Variants in TMEM131 observed in about 807,000 individuals in gnomAD.
The protein encoded by TMEM131 is transmembrane protein 131, also known as 2610524E03Rik.
A neutral mutation model predicts 211.6 loss-of-function variants in TMEM131; 66 were observed. The ratio of observed to expected loss-of-function variants is 0.31; its 90% CI spans 0.26 to 0.38. The LOEUF (loss-of-function observed/expected upper bound fraction) is 0.38, where lower values mean the gene tolerates loss of function less well. Among genes scored for constraint, TMEM131 ranks in the 10% least tolerant of loss-of-function variants. The pLI is 1.00. For synonymous variants in TMEM131, 844 were observed against 841.3 expected (o/e 1.00, Z -0.06); for missense variants, 2,036 against 2,299.3 (o/e 0.89, Z 2.34).
At chr2:97,786,028 G>T (rs1010766713) in intron 31 of TMEM131, among the ~76,000 whole-genome samples, 17 of 152,168 alleles carry the variant, frequency 1.1e-4, no homozygotes, top group African/African-American at 3.9e-4. Context: ...GGCTGAAGAA[G>T]GAGGGAAGTG....
At chr2:97,956,984 CT>C (rs1205053231) in intron 1 of TMEM131, among the ~76,000 whole-genome samples, 1 of 151,686 alleles carries the variant, frequency 6.6e-6, no homozygotes, top group Non-Finnish European at 1.5e-5. Context: ...GTAGTCCCAG[CT>C]ATTCAGGAGG....
At chr2:97,980,225 C>G (rs760987820) in intron 1 of TMEM131, among the ~76,000 whole-genome samples, 11 of 152,074 alleles carry the variant, frequency 7.2e-5, no homozygotes, top group Non-Finnish European at 1.5e-4. Context: ...GTGAGACTTA[C>G]CAAAATGTGA....
chr2:97,932,191 A>G (rs142870478), intron 1 of TMEM131, among the ~76,000 whole-genome samples: 117 of 152,252 alleles, frequency 7.7e-4, no homozygotes, highest in Middle Eastern at 3.4e-3. Context: ...AACATTGTTA[A>G]ATACATCAAT....
intron 4 of TMEM131, among the ~76,000 whole-genome samples, chr2:97,886,015 C>T (rs931182696): frequency 6.6e-6 from 1 of 151,942 alleles, no homozygotes; most frequent in African/African-American, 2.4e-5. Flanking sequence ...TCTTCAAGTT[C>T]AGAAATTCTT....
At chr2:97,813,786 A>G (rs748019431) in intron 15 of TMEM131, among the ~76,000 whole-genome samples, 185 bp downstream of exon 15, 4 of 152,238 alleles carry the variant, frequency 2.6e-5, no homozygotes, top group Admixed American at 6.5e-5. Flanking sequence ...ACTGTATCAC[A>G]AGAGAGAGCT....
intron 40 of TMEM131, among the ~76,000 whole-genome samples, chr2:97,758,456 G>T (rs1243885372): frequency 6.6e-6 from 1 of 152,230 alleles, no homozygotes; most frequent in Non-Finnish European, 1.5e-5. Flanking sequence ...TAAGAGACAG[G>T]TGCTTCTCAG....
Position 97,884,280 on chromosome 2 carries a change from A to G in TMEM131, c.359+3772T>C, listed in dbSNP as rs538898843. Among the ~76,000 whole-genome samples, 36 of 152,306 alleles carry G rather than the reference A, an allele frequency of 2.4e-4. 1 individual carries two copies. In the South Asian group the frequency reaches 7.5e-3, roughly 32 times the overall value. On this transcript the variant is annotated intron_variant, in intron 4 of 40. Transcript: ENST00000186436. ...TAGTTTTAAATTCCATTGTGGTCAGATAAGATAGTTGATAAAATTAATTTA... is the reference window on the plus strand; with the variant it reads ...TAGTTTTAAATTCCATTGTGGTCAGGTAAGATAGTTGATAAAATTAATTTA...
chr2:97,916,923 T>C (rs1046604613), intron 2 of TMEM131, among the ~76,000 whole-genome samples: 6 of 152,160 alleles, frequency 3.9e-5, no homozygotes, highest in East Asian at 1.9e-4. Context: ...ATATGACTTA[T>C]ATTTATTATT....
intron 1 of TMEM131, among the ~76,000 whole-genome samples, chr2:97,936,924 A>T (rs1677471689): frequency 6.6e-6 from 1 of 152,212 alleles, no homozygotes. Flanking sequence ...ACTAAAAGTC[A>T]CACCAAATGG....
At chr2:97,883,247 C>T (rs956977013) in intron 4 of TMEM131, among the ~76,000 whole-genome samples, 3 of 152,182 alleles carry the variant, frequency 2.0e-5, no homozygotes, top group Non-Finnish European at 4.4e-5. Flanking sequence ...CAGACTATAG[C>T]GAAGTTTGTT....
At chr2:97,771,187 T>C (rs143329467) in intron 33 of TMEM131, among the ~76,000 whole-genome samples, 1 of 152,312 alleles carries the variant, frequency 6.6e-6, no homozygotes, top group East Asian at 1.9e-4. Flanking sequence ...CCTGGTCACT[T>C]GAACTAACAA....
At chr2:97,757,474 G>A (rs1439834395) in intron 40 of TMEM131, 91 bp from the exon 41 acceptor site, 1 of 1,359,952 alleles carries the variant, frequency 7.4e-7, no homozygotes, top group Non-Finnish European at 1.0e-6. Context: ...GATGAGGCTG[G>A]GGCACGCATT....
intron 1 of TMEM131, among the ~76,000 whole-genome samples, chr2:97,952,197 G>T (rs145132568): frequency 0.011 from 1,673 of 150,870 alleles, 34 homozygotes; most frequent in African/African-American, 0.039. Context: ...AACAGCTGCA[G>T]AAAAAGTAGG....
chr2:97,797,531 TA>T lies in TMEM131; in HGVS notation c.2719-16del, dbSNP rs1272094722. ...AGTGGATGAGCCTTGAATCATTGGG[TA>T]AACAGAGAGGAGTCATGAATATATT... On this transcript the variant is annotated splice_polypyrimidine_tract_variant and intron_variant, in intron 25 of 40. Transcript: ENST00000186436. 1 of 1,600,722 alleles carries T rather than the reference TA, an allele frequency of 6.2e-7. No homozygotes were observed.
In TMEM131 at chr2:97,772,285, T is replaced by G. The variant is rs1291186383; in HGVS notation, c.4448+12A>C. 1.9e-6 allele frequency: 3 copies of G among 1,596,406 alleles called. No homozygotes were observed. The highest frequency in any genetic ancestry group is 2.6e-6 in the Non-Finnish European group (3 of 1,175,926). On this transcript the variant is annotated intron_variant, in intron 33 of 40. Coordinates refer to ENST00000186436, the MANE Select transcript of TMEM131 (RefSeq NM_015348.2). ...TATAGACCTTATTTCTCTGTACACT[T>G]ATTTCTCTCACCTGGGTTTCACATC...
At chr2:97,805,298 T>C in intron 21 of TMEM131, 78 bp downstream of exon 21, 2 of 1,569,142 alleles carry the variant, frequency 1.3e-6, no homozygotes, top group Non-Finnish European at 1.7e-6. Flanking sequence ...AGCAATGTAC[T>C]TTAAAAGTGG....
At chr2:97,930,206 T>G (rs1228422431) in intron 1 of TMEM131, among the ~76,000 whole-genome samples, 1 of 151,816 alleles carries the variant, frequency 6.6e-6, no homozygotes, top group East Asian at 1.9e-4. Flanking sequence ...TTAGAAGCTT[T>G]ATGTCTAATT....
rs77819176 is a variant in TMEM131, at chr2:97,779,570, C to T, written c.4145-3552G>A. 2.4e-3 allele frequency among the ~76,000 whole-genome samples: 367 copies of T among 152,268 alleles called. 5 individuals carry two copies. The East Asian group carries it at 0.026, about 11-fold the overall frequency. ...TTAGGTCAGTAGTTCTCAAAGTGTC[C>T]CCTGTTGCCCCAGAGTCCGCATCAC... On this transcript the variant is annotated intron_variant, in intron 31 of 40. Coordinates refer to ENST00000186436, the MANE Select transcript of TMEM131 (RefSeq NM_015348.2).
intron 32 of TMEM131, among the ~76,000 whole-genome samples, chr2:97,774,122 C>G (rs1679597132): frequency 6.6e-6 from 1 of 152,236 alleles, no homozygotes; most frequent in Non-Finnish European, 1.5e-5. Context: ...ATAACCAGAG[C>G]TAGGGCTAAA....
Sources: allele counts gnomAD v4.1 joint callset (sites outside exome capture counted in the v4.1 genomes callset), GRCh38; gene constraint gnomAD v4.1.1; transcripts MANE v1.5; gene names NCBI Gene and HGNC (gene_info 2026-07-23, HGNC 2026-07-21).